Variants in SYT16 observed in about 807,000 individuals in gnomAD.
SYT16 encodes synaptotagmin-16.
A neutral mutation model predicts 61.4 loss-of-function variants in SYT16; 42 were observed. That is an observed-to-expected ratio of 0.68 (90% CI 0.53 to 0.89). The LOEUF is 0.89. Ranked by LOEUF, SYT16 falls within the 40% of genes least tolerant of loss-of-function variation. The pLI is 0.00. For synonymous variants in SYT16, 314 were observed against 302.3 expected, an observed-to-expected ratio of 1.04 and a Z score of -0.40; for missense variants, 804 against 807.3, an observed-to-expected ratio of 1.00 and a Z score of 0.05.
chr14:61,863,429 A>G (rs1036325781), intron 1 of SYT16, among the ~76,000 whole-genome samples: 1 of 152,186 alleles, frequency 6.6e-6, no homozygotes, highest in Non-Finnish European at 1.5e-5. Context: ...AGGTGTTTGT[A>G]AAGCTCTTTG....
intron 1 of SYT16, among the ~76,000 whole-genome samples, chr14:61,884,054 T>TG (rs1041213664): frequency 6.6e-6 from 1 of 152,202 alleles, no homozygotes; most frequent in African/African-American, 2.4e-5. Context: ...GATGAGGTTT[T>TG]GGGTGGGGAC....
chr14:61,812,236 A>T (rs1256745430), upstream of SYT16: 1 of 152,384 alleles, frequency 6.6e-6, no homozygotes, highest in East Asian at 1.9e-4. Context: ...ATTAATGCCC[A>T]GCACCTGGCT....
intron 3 of SYT16, among the ~76,000 whole-genome samples, chr14:62,052,023 T>G (rs547572433): frequency 6.6e-6 from 1 of 152,312 alleles, no homozygotes; most frequent in South Asian, 2.1e-4. Context: ...ATGCAGTCTT[T>G]ATCGTCTCTG....
chr14:61,862,131 G>A (rs1159763860), intron 1 of SYT16, among the ~76,000 whole-genome samples: 1 of 152,172 alleles, frequency 6.6e-6, no homozygotes, highest in Non-Finnish European at 1.5e-5. Flanking sequence ...AGTATAATTT[G>A]CATGCAAAAA....
At chr14:61,833,221 C>T (rs1057372636) in intron 1 of SYT16, among the ~76,000 whole-genome samples, 1 of 151,748 alleles carries the variant, frequency 6.6e-6, no homozygotes, top group Non-Finnish European at 1.5e-5. Flanking sequence ...ATGGAGGAAA[C>T]ATTTAGACCC....
chr14:62,002,718 G>C (rs548136855), intron 3 of SYT16, among the ~76,000 whole-genome samples: 1 of 152,144 alleles, frequency 6.6e-6, no homozygotes, highest in South Asian at 2.1e-4. Flanking sequence ...TCACCTTAAC[G>C]TGTCTTTACC....
chr14:62,071,855 A>C lies in SYT16; in HGVS notation c.736+2040A>C, dbSNP rs560499610. ...AATTAAAGGGCCAAATCTAAGTAAA[A>C]TCTGAAACATGAGTGAGCTATTGGT... On this transcript the variant is annotated intron_variant, in intron 4 of 7. Transcript: ENST00000683842. Among the ~76,000 whole-genome samples the C allele has an allele frequency of 2.9e-4, 44 of 152,352 alleles. 1 individual carries two copies. The South Asian group carries it at 6.8e-3, about 24-fold the overall frequency.
intron 1 of SYT16, among the ~76,000 whole-genome samples, chr14:61,882,975 G>A (rs1471493794): frequency 1.3e-5 from 2 of 152,214 alleles, no homozygotes; most frequent in Non-Finnish European, 2.9e-5. Flanking sequence ...TGCACCCTCT[G>A]AAGCAATGGT....
At chr14:62,070,549 C>T (rs1260429056) in intron 4 of SYT16, among the ~76,000 whole-genome samples, 1 of 152,142 alleles carries the variant, frequency 6.6e-6, no homozygotes, top group Non-Finnish European at 1.5e-5. Context: ...TGTTACAGGT[C>T]CTCCTCCCCT....
chr14:62,063,591 C>T (rs772035920), intron 3 of SYT16, among the ~76,000 whole-genome samples: 3 of 152,148 alleles, frequency 2.0e-5, no homozygotes, highest in Non-Finnish European at 2.9e-5. Context: ...CTCTTAACCA[C>T]TCTAGCCGTG....
At chr14:61,915,231 AT>A (rs1174624711) in intron 1 of SYT16, among the ~76,000 whole-genome samples, 5 of 152,228 alleles carry the variant, frequency 3.3e-5, no homozygotes, top group South Asian at 4.1e-4. Flanking sequence ...ATGGCTTTAG[AT>A]TTTTGGCCAA....
intron 3 of SYT16, among the ~76,000 whole-genome samples, chr14:62,028,462 T>C (rs1267660997): frequency 6.6e-5 from 10 of 152,208 alleles, no homozygotes. Flanking sequence ...AGCTCATATT[T>C]GACAGACCAA....
chr14:62,084,680 G>A (rs2056828370), intron 7 of SYT16, among the ~76,000 whole-genome samples: 1 of 152,152 alleles, frequency 6.6e-6, no homozygotes, highest in Non-Finnish European at 1.5e-5. Context: ...ATTAAAATCT[G>A]CTAATACGTC....
At chr14:61,931,551 A>G (rs1277891290) in intron 1 of SYT16, among the ~76,000 whole-genome samples, 1 of 152,104 alleles carries the variant, frequency 6.6e-6, no homozygotes, top group African/African-American at 2.4e-5. Context: ...TCCATTCTTC[A>G]TTTTGTATAG....
chr14:62,080,195 G>A (rs1377033070), intron 5 of SYT16, among the ~76,000 whole-genome samples: 4 of 152,198 alleles, frequency 2.6e-5, no homozygotes, highest in Non-Finnish European at 5.9e-5. Context: ...AGTGTGAGCC[G>A]AGGCTAGCAG....
At chr14:62,004,317 A>T (rs1205980855) in intron 3 of SYT16, among the ~76,000 whole-genome samples, 3 of 152,100 alleles carry the variant, frequency 2.0e-5, no homozygotes, top group Non-Finnish European at 4.4e-5. Flanking sequence ...CTCAGATCTC[A>T]TGAGTACTCC....
intron 1 of SYT16, among the ~76,000 whole-genome samples, chr14:61,957,629 C>CTTGATTTGTGT (rs374976091): frequency 0.026 from 3,990 of 152,086 alleles, 183 homozygotes; most frequent in African/African-American, 0.09. Context: ...TATGTGGAAC[C>CTTGATTTGTGT]ATCCTTGCAT....
intron 1 of SYT16, among the ~76,000 whole-genome samples, chr14:61,924,356 T>C (rs962151424): frequency 2.0e-5 from 3 of 152,210 alleles, no homozygotes; most frequent in Non-Finnish European, 4.4e-5. Context: ...ATGTAAGGTT[T>C]AGAGTTGTCT....
chr14:62,070,583 C>G (rs1430263585), intron 4 of SYT16, among the ~76,000 whole-genome samples: 1 of 152,160 alleles, frequency 6.6e-6, no homozygotes, highest in East Asian at 1.9e-4. Flanking sequence ...CCCAAAGTAA[C>G]CTGGAGAGAG....
Sources: gnomAD v4.1 joint callset for allele counts (sites outside exome capture counted in the v4.1 genomes callset) on GRCh38, gnomAD v4.1.1 for gene constraint, MANE v1.5 for transcripts, NCBI Gene and HGNC (gene_info 2026-07-23, HGNC 2026-07-21) for gene names.